AKAP12: variants seen among roughly 807,000 people sequenced by gnomAD.
The protein encoded by AKAP12 is A-kinase anchoring protein 12.
A neutral mutation model predicts 79.9 loss-of-function variants in AKAP12; 32 were observed. The observed-to-expected ratio is 0.40, with a 90% CI of 0.30 to 0.54. The LOEUF (loss-of-function observed/expected upper bound fraction) is 0.54, where lower values mean the gene tolerates loss of function less well. AKAP12 is among the 20% of genes least tolerant of loss of function. The pLI, the probability that AKAP12 is intolerant of heterozygous loss-of-function variation, is 0.48. For synonymous variants in AKAP12, 808 were observed against 857.0 expected (o/e 0.94, Z 1.00); for missense variants, 2,074 against 2,177.0 (o/e 0.95, Z 0.94).
chr6:151,245,954 CTT>C, intron 2 of AKAP12, among the ~76,000 whole-genome samples: 1 of 152,242 alleles, frequency 6.6e-6, no homozygotes, highest in East Asian at 1.9e-4. Context: ...TTTTGGATGT[CTT>C]TTCATATCAG....
chr6:151,349,908 A>G lies in AKAP12; in HGVS notation c.1517A>G (p.Gln506Arg), dbSNP rs558608452. Residue 506 changes from glutamine to arginine, a missense_variant, in exon 4 of 5, where the codon CAG becomes CGG. Gln to Arg is a conservative substitution (Grantham distance 43). Around this residue, in one of 3 missense-constraint regions of AKAP12, gnomAD observed 1,428 missense variants for 1,451.0 expected, o/e 0.98. Transcript: ENST00000402676. ...AGTGAGGTGGAAATGCTGTCATCAC[A>G]GGAGAGAATGAAGGTGCAGGGAAGT... is the stretch of plus-strand genomic sequence containing the variant. ...VVSEVEMLSSQERMKVQGSPL... is the reference protein window; with the variant it reads ...VVSEVEMLSSRERMKVQGSPL... 1 of 1,614,042 alleles carries G rather than the reference A, an allele frequency of 6.2e-7. No homozygotes were observed. The highest frequency in any genetic ancestry group is 1.3e-5 in the African/African-American group (1 of 74,908).
chr6:151,246,172 A>C (rs1797072094), intron 2 of AKAP12, among the ~76,000 whole-genome samples: 1 of 152,136 alleles, frequency 6.6e-6, no homozygotes, highest in African/African-American at 2.4e-5. Flanking sequence ...TAATCCCAGC[A>C]CTTTGGGAGG....
At chr6:151,273,117 C>CA (rs1776223441) in intron 2 of AKAP12, among the ~76,000 whole-genome samples, 1 of 151,690 alleles carries the variant, frequency 6.6e-6, no homozygotes, top group Non-Finnish European at 1.5e-5. Context: ...CCGTGGTAGC[C>CA]AGGATGGTCT....
chr6:151,289,940 G>A (rs978562658), intron 2 of AKAP12, among the ~76,000 whole-genome samples: 2 of 152,176 alleles, frequency 1.3e-5, no homozygotes, highest in East Asian at 3.9e-4. Context: ...TCCTCCTTGG[G>A]TAACATGATG....
chr6:151,315,042 ACT>A (rs1294473306), intron 3 of AKAP12, among the ~76,000 whole-genome samples: 3 of 144,538 alleles, frequency 2.1e-5, no homozygotes, highest in Non-Finnish European at 4.5e-5. Context: ...ACAGAGTGAG[ACT>A]CTGTCTCAAG....
At chr6:151,305,642 C>T in intron 2 of AKAP12, 105 bp from the exon 3 acceptor site, 1 of 1,152,126 alleles carries the variant, frequency 8.7e-7, no homozygotes, top group Non-Finnish European at 1.2e-6. Flanking sequence ...TTCCTTTTCT[C>T]TGTATTTCTT....
chr6:151,306,659 T>C (rs1258407835), intron 3 of AKAP12, among the ~76,000 whole-genome samples: 1 of 152,068 alleles, frequency 6.6e-6, no homozygotes, highest in Non-Finnish European at 1.5e-5. Flanking sequence ...TCACAGGAGA[T>C]TCAACATCGC....
chr6:151,340,657 T>C (rs886557497), intron 3 of AKAP12, among the ~76,000 whole-genome samples: 1 of 151,800 alleles, frequency 6.6e-6, no homozygotes, highest in East Asian at 1.9e-4. Flanking sequence ...ACTTGACTGA[T>C]AGCCTCATGG....
intron 2 of AKAP12, among the ~76,000 whole-genome samples, chr6:151,293,259 G>A (rs1381245702): frequency 6.6e-6 from 1 of 152,236 alleles, no homozygotes; most frequent in Non-Finnish European, 1.5e-5. Flanking sequence ...ATGAAGTGGT[G>A]TGTAGGAATT....
intron 2 of AKAP12, among the ~76,000 whole-genome samples, chr6:151,246,628 G>A (rs766332586): frequency 2.6e-5 from 4 of 152,156 alleles, no homozygotes; most frequent in Non-Finnish European, 5.9e-5. Flanking sequence ...CTGTGAAGTT[G>A]AATGCCTCAT....
chr6:151,283,170 GT>G lies in AKAP12; in HGVS notation c.163-22575del, dbSNP rs1301650674. 3.9e-5 allele frequency among the ~76,000 whole-genome samples: 6 copies of G among 152,258 alleles called. No homozygotes were observed. In the East Asian group the frequency reaches 1.2e-3, roughly 29 times the overall value. On this transcript the variant is annotated intron_variant, in intron 2 of 4. Transcript: ENST00000402676. ...AGGAGACCAGCATGACAGATTGAGCGTTAAGGTAGAACTAAACAAGAGGCAC... is the reference window on the plus strand; with the variant it reads ...AGGAGACCAGCATGACAGATTGAGCGTAAGGTAGAACTAAACAAGAGGCAC...
At chr6:151,279,616 G>C (rs1459912135) in intron 2 of AKAP12, among the ~76,000 whole-genome samples, 1 of 152,034 alleles carries the variant, frequency 6.6e-6, no homozygotes, top group East Asian at 1.9e-4. Context: ...CTTTCTCTCT[G>C]TTTCTTTTAA....
intron 3 of AKAP12, among the ~76,000 whole-genome samples, chr6:151,308,194 T>G (rs1777016845): frequency 6.6e-6 from 1 of 151,772 alleles, no homozygotes; most frequent in Non-Finnish European, 1.5e-5. Context: ...TGGTAATTAC[T>G]ATACATTTTT....
intron 3 of AKAP12, among the ~76,000 whole-genome samples, chr6:151,316,059 C>A (rs868537523): frequency 4.0e-5 from 6 of 150,512 alleles, no homozygotes; most frequent in African/African-American, 9.7e-5. Flanking sequence ...GGGACACAGA[C>A]AAACCATATC....
chr6:151,275,472 C>T (rs1266729214), intron 2 of AKAP12, among the ~76,000 whole-genome samples: 1 of 152,152 alleles, frequency 6.6e-6, no homozygotes, highest in East Asian at 1.9e-4. Context: ...AACAAATCTA[C>T]CCTCCAAGAA....
rs1306933067 is a variant in AKAP12 at position 151,240,658 on chromosome 6, C to T, written c.96C>T (p.Pro32=). 1 of 1,318,892 alleles carries T rather than the reference C, an allele frequency of 7.6e-7. No homozygotes were observed. Among genetic ancestry groups the T allele is most frequent in the Admixed American group, 4.1e-5 (1 of 24,484 alleles). The allele number at this position is 1,318,892 out of a possible 1,614,324, so 81.7% of individuals were successfully genotyped here. A position where few individuals can be genotyped will look rare whatever the true frequency, so the allele number is the denominator to read the frequency against. ...PAEPEPSGGG[P]SAEAAPDTTA... The stretch of plus-strand genomic sequence containing the variant: ...AGCCCGAGCCCAGCGGCGGCGGCCC[C>T]TCGGCCGAGGCGGCGCCAGACACCA... The change falls in exon 2 of 5, where the codon CCC becomes CCT. Residue 32 remains proline (P), a synonymous_variant. Transcript: ENST00000402676.
intron 3 of AKAP12, chr6:151,324,295 A>T (rs1777469317): frequency 1.0e-6 from 1 of 985,280 alleles, no homozygotes; most frequent in South Asian, 4.7e-5. Context: ...ATTTGCCAGG[A>T]TGTGAAACGG....
chr6:151,302,922 G>C (rs1022505341), intron 2 of AKAP12, among the ~76,000 whole-genome samples: 7 of 152,178 alleles, frequency 4.6e-5, no homozygotes, highest in Admixed American at 1.3e-4. Flanking sequence ...TTGGCTGGGC[G>C]CAGTGGCTCA....
chr6:151,246,838 T>G (rs578185878), intron 2 of AKAP12, among the ~76,000 whole-genome samples: 1 of 152,302 alleles, frequency 6.6e-6, no homozygotes, highest in South Asian at 2.1e-4. Flanking sequence ...CTTGGTTTAC[T>G]GCAGCCTCGA....
Sources: gnomAD v4.1 joint callset for allele counts (sites outside exome capture counted in the v4.1 genomes callset) on GRCh38, gnomAD v4.1.1 for gene constraint, gnomAD v4.1.1 regional missense constraint, MANE v1.5 for transcripts, NCBI Gene and HGNC (gene_info 2026-07-23, HGNC 2026-07-21) for gene names.